The following NDUFA10 variants were observed in gnomAD, a reference collection of about 807,000 sequenced individuals.
NDUFA10 encodes NADH:ubiquinone oxidoreductase subunit A10.
Under a neutral mutation model 47.8 loss-of-function variants are expected in NDUFA10, and 40 were observed. The ratio of observed to expected loss-of-function variants is 0.84; its 90% CI spans 0.65 to 1.09. The LOEUF (loss-of-function observed/expected upper bound fraction) is 1.09, where lower values mean the gene tolerates loss of function less well. Ranked by LOEUF, NDUFA10 falls within the 50% of genes least tolerant of loss-of-function variation. The probability of loss-of-function intolerance (pLI) is 0.00; values close to 1 mark genes in which losing one functional copy is unlikely to be tolerated. For missense variants in NDUFA10, 413 were observed against 451.1 expected, an observed-to-expected ratio of 0.92 and a Z score of 0.76; for synonymous variants, 183 against 172.2, an observed-to-expected ratio of 1.06 and a Z score of -0.49.
intron 4 of NDUFA10, chr2:240,018,331 T>G (rs1025689824): frequency 7.3e-7 from 1 of 1,372,104 alleles, no homozygotes; most frequent in African/African-American, 1.4e-5. Context: ...CCAATCTGCT[T>G]TCACAGGGAG....
At chr2:240,013,664 G>A (rs1323975523) in intron 5 of NDUFA10, 1 of 152,232 alleles carries the variant, frequency 6.6e-6, no homozygotes, top group Non-Finnish European at 1.5e-5. Context: ...TTGCAACAGA[G>A]AAGGAAAGTT....
chr2:239,941,594 C>T (rs60290366), intron 4 of NDUFA10, among the ~76,000 whole-genome samples: 1,680 of 152,120 alleles, frequency 0.011, 39 homozygotes, highest in African/African-American at 0.039. Flanking sequence ...GGCATGATGG[C>T]GCACGTTTGT....
intron 3 of NDUFA10, 151 bp downstream of exon 3, chr2:240,021,046 T>C: frequency 1.4e-6 from 1 of 702,172 alleles, no homozygotes; most frequent in Non-Finnish European, 2.5e-6. Flanking sequence ...AATAACACAA[T>C]CTCAAGAAAT....
chr2:239,908,113 T>C (rs1438982857), intron 4 of NDUFA10, among the ~76,000 whole-genome samples: 1 of 152,148 alleles, frequency 6.6e-6, no homozygotes, highest in Admixed American at 6.5e-5. Context: ...TGGATGAAGC[T>C]AGAAACCATC....
rs906233268 is a variant in NDUFA10, at chr2:239,914,595, A to G, written c.295-19281T>C. On this transcript the variant is annotated intron_variant, in intron 4 of 5. Coordinates refer to the NDUFA10 transcript ENST00000419408. ...ACACACAGAGAACACATACATACAT[A>G]GACACACACAAATATACAGAGATAC... Among the ~76,000 whole-genome samples the G allele has an allele frequency of 1.9e-4, 28 of 146,272 alleles. 2 individuals are homozygous for G. The highest frequency in any genetic ancestry group is 3.4e-4 in the Non-Finnish European group (23 of 67,340).
chr2:239,917,555 C>T (rs573948970), intron 4 of NDUFA10, among the ~76,000 whole-genome samples: 168 of 152,318 alleles, frequency 1.1e-3, no homozygotes, highest in African/African-American at 3.8e-3. Flanking sequence ...CCATGCTAGG[C>T]ACGAGAGAAA....
At chr2:239,955,388 C>G (rs1020930422), downstream of NDUFA10, among the ~76,000 whole-genome samples, 5 of 152,202 alleles carry the variant, frequency 3.3e-5, no homozygotes, top group African/African-American at 7.2e-5. Flanking sequence ...GACCATTAGA[C>G]AGCCGTCCTA....
At chr2:239,936,892 G>A (rs566364157) in intron 4 of NDUFA10, among the ~76,000 whole-genome samples, 16 of 152,300 alleles carry the variant, frequency 1.1e-4, no homozygotes, top group African/African-American at 3.4e-4. Flanking sequence ...TCTGAGAGGC[G>A]GAGGTTGCAG....
At chr2:240,003,867 G>C (rs1469735733) in intron 8 of NDUFA10, among the ~76,000 whole-genome samples, 1 of 152,150 alleles carries the variant, frequency 6.6e-6, no homozygotes, top group Admixed American at 6.5e-5. Context: ...GCAGAGCTGG[G>C]GATCACCGGT....
At chr2:239,977,000 G>A (rs374605225) in intron 9 of NDUFA10, among the ~76,000 whole-genome samples, 9 of 152,172 alleles carry the variant, frequency 5.9e-5, no homozygotes, top group East Asian at 3.9e-4. Flanking sequence ...GAAGAAAAAC[G>A]AGTTGGCTGG....
At chr2:239,973,680 A>G (rs1695394700) in intron 9 of NDUFA10, 1 of 455,308 alleles carries the variant, frequency 2.2e-6, no homozygotes, top group Non-Finnish European at 4.5e-6. Context: ...ATAGAAACCA[A>G]ATCACAGTTT....
chr2:239,910,962 A>G (rs1693743489), intron 4 of NDUFA10, among the ~76,000 whole-genome samples: 2 of 152,340 alleles, frequency 1.3e-5, no homozygotes, highest in African/African-American at 2.4e-5. Context: ...AGTGCCCGGC[A>G]GAGAGGAGGC....
At chr2:239,926,547 A>G (rs1694068717) in intron 4 of NDUFA10, among the ~76,000 whole-genome samples, 1 of 152,080 alleles carries the variant, frequency 6.6e-6, no homozygotes, top group South Asian at 2.1e-4. Flanking sequence ...AACTGACGAT[A>G]TTTCTGGATT....
At chr2:239,925,540 C>T (rs1344624280) in intron 4 of NDUFA10, among the ~76,000 whole-genome samples, 2 of 152,176 alleles carry the variant, frequency 1.3e-5, no homozygotes, top group Non-Finnish European at 2.9e-5. Context: ...CAATGGACCA[C>T]AGACTTAAAT....
At chr2:239,978,459 C>T (rs1423827839) in intron 9 of NDUFA10, among the ~76,000 whole-genome samples, 2 of 152,182 alleles carry the variant, frequency 1.3e-5, no homozygotes, top group Admixed American at 6.5e-5. Context: ...GTCTGGCCTG[C>T]CTCCTAATAC....
chr2:239,968,284 C>T (rs1695165499), intron 9 of NDUFA10, among the ~76,000 whole-genome samples: 1 of 152,202 alleles, frequency 6.6e-6, no homozygotes, highest in African/African-American at 2.4e-5. Flanking sequence ...AGGGAGGAGG[C>T]AGCAAATGCA....
chr2:239,991,942 T>C (rs1020475655), intron 8 of NDUFA10, among the ~76,000 whole-genome samples: 1 of 152,132 alleles, frequency 6.6e-6, no homozygotes, highest in African/African-American at 2.4e-5. Context: ...TCCCGGAAAA[T>C]CTTTTAACAA....
At chr2:239,913,579 CG>C (rs1693790826) in intron 4 of NDUFA10, among the ~76,000 whole-genome samples, 1 of 152,234 alleles carries the variant, frequency 6.6e-6, no homozygotes, top group Non-Finnish European at 1.5e-5. Flanking sequence ...CTCAATACTG[CG>C]GGGAGCTCTG....
intron 4 of NDUFA10, among the ~76,000 whole-genome samples, chr2:239,925,976 T>G (rs1291442775): frequency 6.6e-6 from 1 of 152,116 alleles, no homozygotes; most frequent in Non-Finnish European, 1.5e-5. Flanking sequence ...CAACTAAAAT[T>G]AAAAATAGAG....
Sources: allele counts gnomAD v4.1 joint callset (sites outside exome capture counted in the v4.1 genomes callset), GRCh38; gene constraint gnomAD v4.1.1; transcripts MANE v1.5; gene names NCBI Gene and HGNC (gene_info 2026-07-23, HGNC 2026-07-21).